The following ACER3 variants were observed in gnomAD, a reference collection of about 807,000 sequenced individuals.
ACER3 encodes the protein alkaline ceramidase 3.
In ACER3, 16 loss-of-function variants were observed where a neutral mutation model predicts 48.9. The observed-to-expected ratio is 0.33, with a 90% CI of 0.22 to 0.50. The LOEUF (loss-of-function observed/expected upper bound fraction) is 0.50. Among genes scored for constraint, ACER3 ranks in the 20% least tolerant of loss-of-function variants. ACER3 has a pLI of 0.98. For synonymous variants in ACER3, 109 were observed against 107.8 expected (o/e 1.01, Z -0.07); for missense variants, 227 against 326.0 (o/e 0.70, Z 2.34).
chr11:76,930,767 G>C (rs1359000357), intron 2 of ACER3, among the ~76,000 whole-genome samples: 2 of 152,078 alleles, frequency 1.3e-5, no homozygotes, highest in South Asian at 4.1e-4. Context: ...CCATGTAGTT[G>C]AGAGGTTTTG....
intron 2 of ACER3, among the ~76,000 whole-genome samples, chr11:76,936,594 T>C (rs1304406530): frequency 6.6e-6 from 1 of 151,862 alleles, no homozygotes; most frequent in Non-Finnish European, 1.5e-5. Flanking sequence ...TATTAAAAAA[T>C]AAAGTCGCTT....
At chr11:76,882,705 A>C (rs1945559738) in intron 1 of ACER3, among the ~76,000 whole-genome samples, 2 of 152,232 alleles carry the variant, frequency 1.3e-5, no homozygotes, top group Non-Finnish European at 1.5e-5. Flanking sequence ...TTTATTCTGA[A>C]CATAAAGAAT....
chr11:76,911,906 A>G (rs1366046169), intron 1 of ACER3, among the ~76,000 whole-genome samples: 2 of 152,198 alleles, frequency 1.3e-5, no homozygotes, highest in Non-Finnish European at 2.9e-5. Context: ...ACCCCAATAG[A>G]GGCTAAAAGG....
chr11:76,994,340 G>A, intron 6 of ACER3: 3 of 359,430 alleles, frequency 8.3e-6, no homozygotes, highest in Non-Finnish European at 1.1e-5. Context: ...ATGTTGGCCA[G>A]GCTGGTCTTG....
At position 76,996,479 on chromosome 11, in the gene ACER3, C is replaced by G. The variant is rs1028102998; in HGVS notation, c.439-2284C>G. Among the ~76,000 whole-genome samples the G allele has an allele frequency of 2.5e-4, 38 of 151,418 alleles. 1 individual carries two copies. The highest frequency in any genetic ancestry group is 4.9e-5 in the African/African-American group (2 of 41,174). On this transcript the variant is annotated intron_variant, in intron 6 of 10. Coordinates refer to ENST00000532485, the MANE Select transcript of ACER3 (RefSeq NM_018367.7). ...TGTTGCCCAGGCTGGAGTGCAATAG[C>G]ACGATCTTGGCTCACTGCAACCTCT...
At chr11:76,911,425 C>A (rs921643438) in intron 1 of ACER3, among the ~76,000 whole-genome samples, 1 of 152,086 alleles carries the variant, frequency 6.6e-6, no homozygotes, top group Non-Finnish European at 1.5e-5. Flanking sequence ...AGTGCCAGGG[C>A]CAGAGGTCAC....
Position 77,021,745 on chromosome 11 carries a change from A to G in ACER3, c.*1418A>G, listed in dbSNP as rs1031416050. Reference sequence around the variant, plus strand: ...GTAAAACACTGTTGTCATTTTTTCCAGTATTCAATAAGTAGCCTTTGTACA... The same window carrying G: ...GTAAAACACTGTTGTCATTTTTTCCGGTATTCAATAAGTAGCCTTTGTACA... On this transcript the variant is annotated 3_prime_UTR_variant, in exon 11 of 11. Transcript: ENST00000532485. The G allele has an allele frequency of 6.6e-6, 1 of 152,166 alleles. No individual in the cohort carries two copies. The highest frequency in any genetic ancestry group is 1.5e-5 in the Non-Finnish European group (1 of 68,018). 9.4% of individuals were successfully genotyped at this position (152,166 alleles called of 1,614,324 possible). A position where few individuals can be genotyped will look rare whatever the true frequency, so the allele number is the denominator to read the frequency against.
intron 1 of ACER3, among the ~76,000 whole-genome samples, chr11:76,868,418 T>G (rs1945158942): frequency 6.6e-6 from 1 of 152,032 alleles, no homozygotes; most frequent in African/African-American, 2.4e-5. Flanking sequence ...TGTGTGTGTG[T>G]GTGTGTGTGT....
chr11:76,905,148 G>A (rs1946191986), intron 1 of ACER3, among the ~76,000 whole-genome samples: 1 of 152,038 alleles, frequency 6.6e-6, no homozygotes, highest in Non-Finnish European at 1.5e-5. Flanking sequence ...CACCACACCT[G>A]GCCATGTGTG....
intron 1 of ACER3, among the ~76,000 whole-genome samples, chr11:76,924,973 C>CAAAAAAAAAAAAAA (rs57093609): frequency 2.5e-5 from 2 of 78,568 alleles, no homozygotes; most frequent in East Asian, 1.0e-3. Context: ...AAGACTCTGT[C>CAAAAAAAAAAAAAA]AAAAAAAAAA....
At chr11:76,977,693 C>G (rs1024533146) in intron 4 of ACER3, among the ~76,000 whole-genome samples, 43 of 152,146 alleles carry the variant, frequency 2.8e-4, no homozygotes, top group African/African-American at 1.0e-3. Flanking sequence ...GCAGGGGAGG[C>G]AGTGCTGGTG....
At chr11:76,885,523 A>G (rs1048355512) in intron 1 of ACER3, among the ~76,000 whole-genome samples, 10 of 152,168 alleles carry the variant, frequency 6.6e-5, no homozygotes, top group African/African-American at 2.4e-4. Flanking sequence ...CACTTGGGAA[A>G]GCACCAGGGT....
intron 1 of ACER3, among the ~76,000 whole-genome samples, chr11:76,883,437 G>GTTT (rs1565157827): frequency 9.7e-5 from 7 of 71,914 alleles, no homozygotes; most frequent in African/African-American, 1.4e-4. Flanking sequence ...TGATTTTCTT[G>GTTT]CTTTTTTTTT....
At position 77,023,479 on chromosome 11, in the gene ACER3, T is replaced by A. The variant is rs1269795267; in HGVS notation, c.*3152T>A. 3.3e-6 allele frequency: 1 copy of A among 301,164 alleles called. No homozygotes were observed. Among genetic ancestry groups the A allele is most frequent in the Non-Finnish European group, 6.1e-6 (1 of 164,802 alleles). 18.7% of individuals were successfully genotyped at this position (301,164 alleles called of 1,614,324 possible). ...AAGCATCTAACAATTTAAGGTTATC[T>A]TATGAGTCCTATGAAAACAATTATT... On this transcript the variant is annotated 3_prime_UTR_variant, in exon 11 of 11. Transcript: ENST00000532485.
chr11:76,957,351 T>G lies in ACER3; in HGVS notation c.215-1628T>G, dbSNP rs184541923. On this transcript the variant is annotated intron_variant, in intron 2 of 10. Transcript: ENST00000532485. The stretch of plus-strand genomic sequence containing the variant: ...ATTTTTTTAAGTTGAAGCATAGAAT[T>G]TTTTAAATTTTGGATATTAAACCTT... 7.4e-4 allele frequency: 218 copies of G among 296,104 alleles called. 1 individual carries two copies. The highest frequency in any genetic ancestry group is 4.4e-3 in the African/African-American group (199 of 44,892). 18.3% of individuals were successfully genotyped at this position (296,104 alleles called of 1,614,324 possible).
intron 7 of ACER3, among the ~76,000 whole-genome samples, chr11:77,006,780 C>T (rs1284764031): frequency 6.6e-6 from 1 of 151,734 alleles, no homozygotes; most frequent in African/African-American, 2.4e-5. Context: ...CTTTAGTTTT[C>T]AGAAGTTTGG....
chr11:76,997,668 T>C (rs565419004), intron 6 of ACER3, among the ~76,000 whole-genome samples: 8 of 98,258 alleles, frequency 8.1e-5, no homozygotes, highest in Non-Finnish European at 1.6e-4. Flanking sequence ...AGACCTTGTC[T>C]ATACTAAAAA....
chr11:76,918,944 G>C (rs181207143), intron 1 of ACER3, among the ~76,000 whole-genome samples: 1 of 150,718 alleles, frequency 6.6e-6, no homozygotes, highest in African/African-American at 2.4e-5. Context: ...AACATTATTT[G>C]AAGATCTGCA....
chr11:76,875,107 C>T (rs76842763), intron 1 of ACER3, among the ~76,000 whole-genome samples: 1,222 of 77,472 alleles, frequency 0.016, 1 homozygote, highest in Middle Eastern at 0.036. Flanking sequence ...AAAAGCACTT[C>T]TTTTTTTTTT....
Sources: allele counts gnomAD v4.1 joint callset (sites outside exome capture counted in the v4.1 genomes callset), GRCh38; gene constraint gnomAD v4.1.1; transcripts MANE v1.5; gene names NCBI Gene and HGNC (gene_info 2026-07-23, HGNC 2026-07-21).